FTO: variants seen among roughly 807,000 people sequenced by gnomAD.
FTO encodes the protein FTO alpha-ketoglutarate dependent dioxygenase, also known as alpha-ketoglutarate-dependent dioxygenase FTO.
FTO carries 47 observed loss-of-function variants against 63.9 expected under a neutral mutation model. That is an observed-to-expected ratio of 0.74 (90% CI 0.58 to 0.94). FTO has a LOEUF of 0.94. Among genes scored for constraint, FTO ranks in the 40% least tolerant of loss-of-function variants. The pLI, the probability that FTO is intolerant of heterozygous loss-of-function variation, is 0.00. For missense variants in FTO, 562 were observed against 618.1 expected (o/e 0.91, Z 0.96); for synonymous variants, 207 against 224.4 (o/e 0.92, Z 0.69).
intron 4 of FTO, among the ~76,000 whole-genome samples, chr16:53,846,801 CAAAAAAAAAAA>C (rs55982417): frequency 1.9e-5 from 2 of 106,900 alleles, no homozygotes; most frequent in African/African-American, 6.9e-5. Flanking sequence ...GACTCAGTCT[CAAAAAAAAAAA>C]AAAAAAAAAA....
chr16:53,951,225 G>A (rs939313808), intron 8 of FTO, among the ~76,000 whole-genome samples: 9 of 152,008 alleles, frequency 5.9e-5, no homozygotes, highest in South Asian at 2.1e-4. Flanking sequence ...ACCTCACCCC[G>A]TCTCCAAGCT....
intron 1 of FTO, among the ~76,000 whole-genome samples, chr16:53,711,695 G>A (rs1349187438): frequency 6.6e-6 from 1 of 152,160 alleles, no homozygotes; most frequent in Non-Finnish European, 1.5e-5. Context: ...AGACTCTTAT[G>A]CTGGCTTAGG....
chr16:53,763,707 A>C (rs568475579), intron 1 of FTO, among the ~76,000 whole-genome samples: 1 of 152,338 alleles, frequency 6.6e-6, no homozygotes, highest in Admixed American at 6.5e-5. Flanking sequence ...TCTCCTTTGC[A>C]ACTGTAATGT....
At chr16:53,900,408 T>G (rs1166989595) in intron 7 of FTO, among the ~76,000 whole-genome samples, 1 of 152,160 alleles carries the variant, frequency 6.6e-6, no homozygotes, top group Admixed American at 6.5e-5. Context: ...GTGTTAAGAC[T>G]CTTGGTTTCC....
chr16:54,053,199 C>A (rs2144342054), intron 8 of FTO, among the ~76,000 whole-genome samples: 1 of 152,308 alleles, frequency 6.6e-6, no homozygotes, highest in African/African-American at 2.4e-5. Flanking sequence ...GAGTCAGAAG[C>A]TCCTCCAGGC....
At chr16:53,966,740 A>C (rs1424591578) in intron 8 of FTO, among the ~76,000 whole-genome samples, 1 of 152,244 alleles carries the variant, frequency 6.6e-6, no homozygotes, top group Admixed American at 6.5e-5. Context: ...AGTCATATAC[A>C]AGTGATGCAA....
At chr16:53,720,979 T>C (rs1236618231) in intron 1 of FTO, among the ~76,000 whole-genome samples, 3 of 152,012 alleles carry the variant, frequency 2.0e-5, no homozygotes, top group African/African-American at 7.2e-5. Flanking sequence ...TTGTAGAGAC[T>C]GGGTCTCACT....
At chr16:53,865,573 T>C (rs1019589597) in intron 4 of FTO, among the ~76,000 whole-genome samples, 51 of 152,324 alleles carry the variant, frequency 3.3e-4, no homozygotes, top group Middle Eastern at 3.4e-3. Context: ...GTTTATTTTT[T>C]CCTGACTTGA....
At chr16:53,956,727 A>G (rs2082940261) in intron 8 of FTO, 2 of 152,086 alleles carry the variant, frequency 1.3e-5, no homozygotes, top group South Asian at 2.1e-4. Flanking sequence ...CAATGGCACA[A>G]TCTTGGCTCA....
At chr16:53,739,167 A>G (rs983044392) in intron 1 of FTO, among the ~76,000 whole-genome samples, 2 of 151,318 alleles carry the variant, frequency 1.3e-5, no homozygotes, top group African/African-American at 4.9e-5. Context: ...GATTCTTATA[A>G]TTCTATTAGC....
intron 8 of FTO, among the ~76,000 whole-genome samples, chr16:54,030,188 A>G: frequency 6.6e-6 from 1 of 152,186 alleles, no homozygotes; most frequent in East Asian, 1.9e-4. Context: ...ACACAGGACC[A>G]CCTTGTTCAT....
At chr16:54,065,154 A>ATTTTATTTTAT (rs376065950) in intron 8 of FTO, among the ~76,000 whole-genome samples, 2 of 136,816 alleles carry the variant, frequency 1.5e-5, no homozygotes, top group Non-Finnish European at 3.1e-5. Context: ...ATTTTATTTT[A>ATTTTATTTTAT]TTTATTAATG....
At chr16:53,925,946 G>GTCTC (rs746868594) in intron 7 of FTO, among the ~76,000 whole-genome samples, 3 of 151,698 alleles carry the variant, frequency 2.0e-5, no homozygotes, top group East Asian at 1.9e-4. Flanking sequence ...TTTGCATTCA[G>GTCTC]TCTCTCTCTC....
chr16:53,977,563 A>C (rs576478528), intron 8 of FTO, among the ~76,000 whole-genome samples: 12 of 152,320 alleles, frequency 7.9e-5, no homozygotes, highest in African/African-American at 2.9e-4. Context: ...AGGCTTTTGC[A>C]TGCAATTTCC....
intron 7 of FTO, among the ~76,000 whole-genome samples, chr16:53,906,877 T>C (rs753769497): frequency 2.0e-5 from 3 of 152,148 alleles, no homozygotes; most frequent in African/African-American, 7.2e-5. Context: ...GGAATCCTTC[T>C]TGAAACTTCC....
At position 53,882,079 on chromosome 16, in the gene FTO, A is replaced by G. The variant is rs563389142; in HGVS notation, c.1119+2092A>G. On this transcript the variant is annotated intron_variant, in intron 6 of 8. Transcript: ENST00000471389. Reference sequence around the variant, plus strand: ...GATAAATTATACCTCAAAAAAAACCATTAAAAGAAAAAAAGGAGACACTAA... The same window carrying G: ...GATAAATTATACCTCAAAAAAAACCGTTAAAAGAAAAAAAGGAGACACTAA... 2.0e-5 allele frequency among the ~76,000 whole-genome samples: 3 copies of G among 152,060 alleles called. No homozygotes were observed. In the South Asian group the frequency reaches 6.2e-4, roughly 32 times the overall value.
intron 1 of FTO, among the ~76,000 whole-genome samples, chr16:53,734,905 A>G (rs1411924342): frequency 6.6e-6 from 1 of 152,188 alleles, no homozygotes; most frequent in Non-Finnish European, 1.5e-5. Context: ...ACTCCTTATT[A>G]TGTCCTATTG....
At chr16:53,732,755 G>A (rs1263037562) in intron 1 of FTO, among the ~76,000 whole-genome samples, 2 of 152,174 alleles carry the variant, frequency 1.3e-5, no homozygotes, top group African/African-American at 4.8e-5. Context: ...TGGTGGAAAG[G>A]CCAGCAGATT....
chr16:53,970,841 A>C (rs1485254878), intron 8 of FTO, among the ~76,000 whole-genome samples: 1 of 152,154 alleles, frequency 6.6e-6, no homozygotes, highest in African/African-American at 2.4e-5. Context: ...ATAAAACTCA[A>C]CTGTAGTTGG....
Sources: allele counts gnomAD v4.1 joint callset (sites outside exome capture counted in the v4.1 genomes callset), GRCh38; gene constraint gnomAD v4.1.1; transcripts MANE v1.5; gene names NCBI Gene and HGNC (gene_info 2026-07-23, HGNC 2026-07-21).